DOCK1: variants seen among roughly 807,000 people sequenced by gnomAD.
DOCK1 encodes the protein dedicator of cytokinesis protein 1.
DOCK1 carries 138 observed loss-of-function variants against 262.7 expected under a neutral mutation model. The ratio of observed to expected loss-of-function variants is 0.53; its 90% confidence interval spans 0.46 to 0.61. The LOEUF (loss-of-function observed/expected upper bound fraction) is 0.61. DOCK1 is among the 20% of genes least tolerant of loss of function. The pLI, the probability that DOCK1 is intolerant of heterozygous loss-of-function variation, is 0.00. For synonymous variants in DOCK1, 866 were observed against 867.4 expected, an observed-to-expected ratio of 1.00 and a Z score of 0.03; for missense variants, 1,908 against 2,370.7, an observed-to-expected ratio of 0.80 and a Z score of 4.05.
chr10:127,294,950 C>G (rs1313783599), intron 29 of DOCK1, among the ~76,000 whole-genome samples: 1 of 152,160 alleles, frequency 6.6e-6, no homozygotes, highest in Non-Finnish European at 1.5e-5. Flanking sequence ...CCAAGTTGTC[C>G]TATTCTTAAA....
At chr10:126,949,541 T>G (rs2035995371) in intron 1 of DOCK1, among the ~76,000 whole-genome samples, 1 of 152,146 alleles carries the variant, frequency 6.6e-6, no homozygotes, top group Non-Finnish European at 1.5e-5. Context: ...ATCCCCTGCT[T>G]AATTTCAGAG....
intron 29 of DOCK1, among the ~76,000 whole-genome samples, chr10:127,305,325 G>A (rs183117631): frequency 4.6e-5 from 7 of 152,226 alleles, no homozygotes; most frequent in African/African-American, 9.6e-5. Flanking sequence ...CTGATGAGTC[G>A]GGCAGAAGAG....
chr10:126,999,333 T>A (rs2040422935), intron 8 of DOCK1, 21 bp from the exon 9 acceptor site: 2 of 1,604,120 alleles, frequency 1.2e-6, no homozygotes, highest in African/African-American at 2.7e-5. Context: ...TTAACTTGCT[T>A]TTATTTCTCC....
Position 127,447,404 on chromosome 10 carries a change from G to A in DOCK1, c.5424G>A (p.Leu1808=). The A allele has an allele frequency of 6.2e-7, 1 of 1,612,634 alleles. No homozygotes were observed. Among genetic ancestry groups the A allele is most frequent in the Non-Finnish European group, 8.5e-7 (1 of 1,179,308 alleles). The change falls in exon 51 of 52, where the codon CTG becomes CTA. Residue 1808 remains leucine, a synonymous_variant. Coordinates refer to ENST00000623213, the MANE Select transcript of DOCK1 (RefSeq NM_001290223.2). ...LSFSMQSSLE[L]NGMTGADVAD... is the part of the protein sequence containing the mutation. ...ATCCCGGTTTTCCAGGCTTGGAGCT[G>A]AACGGCATGACGGGGGCGGACGTGG... is the stretch of plus-strand genomic sequence containing the variant.
At chr10:126,907,631 G>C (rs1018919157) in intron 1 of DOCK1, among the ~76,000 whole-genome samples, 8 of 152,172 alleles carry the variant, frequency 5.3e-5, no homozygotes, top group African/African-American at 1.9e-4. Flanking sequence ...TGCCCCCAGA[G>C]AGACCTGGAT....
At chr10:126,991,166 A>G (rs2039756366) in intron 6 of DOCK1, among the ~76,000 whole-genome samples, 1 of 152,180 alleles carries the variant, frequency 6.6e-6, no homozygotes. Flanking sequence ...TCCCATCCAT[A>G]GCAGGCATCC....
At chr10:127,273,893 A>AG (rs397846326) in intron 29 of DOCK1, among the ~76,000 whole-genome samples, 1 of 150,650 alleles carries the variant, frequency 6.6e-6, no homozygotes, top group Non-Finnish European at 1.5e-5. Context: ...AAAAAAAAAA[A>AG]TAGCTATTAG....
intron 29 of DOCK1, among the ~76,000 whole-genome samples, chr10:127,312,450 T>G (rs1161764812): frequency 1.3e-5 from 2 of 152,128 alleles, no homozygotes; most frequent in Admixed American, 1.3e-4. Context: ...GGCTGCTTCT[T>G]GCATTCTTAA....
At chr10:127,045,120 C>A (rs992105115) in intron 21 of DOCK1, among the ~76,000 whole-genome samples, 1 of 150,414 alleles carries the variant, frequency 6.6e-6, no homozygotes, top group African/African-American at 2.4e-5. Flanking sequence ...ATCACTTGAA[C>A]CCGGGAGGCG....
At chr10:126,989,349 T>C (rs2039636735) in intron 5 of DOCK1, among the ~76,000 whole-genome samples, 1 of 152,072 alleles carries the variant, frequency 6.6e-6, no homozygotes, top group Admixed American at 6.6e-5. Context: ...TTTTTTGAGA[T>C]AGGGTCTTGC....
chr10:127,247,363 A>G (rs2059466474), intron 27 of DOCK1, among the ~76,000 whole-genome samples: 1 of 151,848 alleles, frequency 6.6e-6, no homozygotes, highest in African/African-American at 2.4e-5. Context: ...CTCGGGGAGG[A>G]GAATTGGGCC....
chr10:127,320,705 C>T lies in DOCK1; in HGVS notation c.3045-18301C>T, dbSNP rs530206989. On this transcript the variant is annotated intron_variant, in intron 29 of 51. Transcript: ENST00000623213. Reference sequence around the variant, plus strand: ...AGATCCTCAGTTTAAAATCTGGCCACGATGCCATTCACTTAGGCACTTGCT... The same window carrying T: ...AGATCCTCAGTTTAAAATCTGGCCATGATGCCATTCACTTAGGCACTTGCT... 5.3e-5 allele frequency among the ~76,000 whole-genome samples: 8 copies of T among 152,240 alleles called. No individual in the cohort carries two copies. In the South Asian group the frequency reaches 8.3e-4, roughly 16 times the overall value.
intron 23 of DOCK1, among the ~76,000 whole-genome samples, chr10:127,068,621 A>G (rs569970113): frequency 6.6e-6 from 1 of 152,292 alleles, no homozygotes; most frequent in Non-Finnish European, 1.5e-5. Context: ...AAAAATAAGA[A>G]TCATTTATCA....
intron 1 of DOCK1, among the ~76,000 whole-genome samples, chr10:126,960,948 T>C (rs921950326): frequency 7.2e-5 from 11 of 151,984 alleles, no homozygotes; most frequent in African/African-American, 1.7e-4. Flanking sequence ...CGAAGAAAGA[T>C]ATTAAAATGT....
At chr10:127,343,801 A>G (rs780850345) in intron 31 of DOCK1, 55 bp downstream of exon 31, 27 of 1,351,968 alleles carry the variant, frequency 2.0e-5, no homozygotes, top group Non-Finnish European at 2.7e-5. Context: ...CTCTAATCGC[A>G]TAATTTTCAT....
At chr10:127,241,350 G>T (rs528271662) in intron 27 of DOCK1, among the ~76,000 whole-genome samples, 1 of 152,216 alleles carries the variant, frequency 6.6e-6, no homozygotes, top group South Asian at 2.1e-4. Context: ...TATTATTATT[G>T]TAGTTTTTTT....
At chr10:127,373,423 A>G (rs1406591070) in intron 33 of DOCK1, among the ~76,000 whole-genome samples, 2 of 152,088 alleles carry the variant, frequency 1.3e-5, no homozygotes, top group African/African-American at 2.4e-5. Context: ...CCAACAAGCT[A>G]TTTTAGATGT....
chr10:127,102,517 T>C (rs1307611936), intron 23 of DOCK1, among the ~76,000 whole-genome samples: 1 of 152,198 alleles, frequency 6.6e-6, no homozygotes, highest in Non-Finnish European at 1.5e-5. Context: ...CCAGGTAATA[T>C]ATTCTTAGTC....
intron 29 of DOCK1, among the ~76,000 whole-genome samples, chr10:127,320,477 A>T (rs775119959): frequency 1.3e-5 from 2 of 152,106 alleles, no homozygotes; most frequent in Non-Finnish European, 2.9e-5. Flanking sequence ...GCATCCAATC[A>T]GACACCGTGC....
Sources: allele counts gnomAD v4.1 joint callset (sites outside exome capture counted in the v4.1 genomes callset), GRCh38; gene constraint gnomAD v4.1.1; transcripts MANE v1.5; gene names NCBI Gene and HGNC (gene_info 2026-07-23, HGNC 2026-07-21).